The following KIN variants were observed in gnomAD, a reference collection of about 807,000 sequenced individuals.
KIN encodes the protein DNA/RNA-binding protein KIN17.
KIN carries 47 observed loss-of-function variants against 63.0 expected under a neutral mutation model. That is an observed-to-expected ratio of 0.75 (90% confidence interval 0.59 to 0.95). The LOEUF is 0.95. Ranked by LOEUF, KIN falls within the 40% of genes least tolerant of loss-of-function variation. The pLI, the probability that KIN is intolerant of heterozygous loss-of-function variation, is 0.00. For synonymous variants in KIN, 160 were observed against 157.7 expected (o/e 1.01, Z -0.11); for missense variants, 408 against 460.9 (o/e 0.89, Z 1.05).
At chr10:7,763,227 G>A (rs572626425) in intron 10 of KIN, among the ~76,000 whole-genome samples, 2 of 152,276 alleles carry the variant, frequency 1.3e-5, no homozygotes, top group African/African-American at 4.8e-5. Flanking sequence ...CTGCACTCCA[G>A]CCTGGGCAAC....
chr10:7,777,053 C>CAAAAAAAAA (rs60757813), intron 5 of KIN, among the ~76,000 whole-genome samples: 2 of 80,732 alleles, frequency 2.5e-5, no homozygotes, highest in Admixed American at 1.5e-4. Flanking sequence ...GACAGTCTCT[C>CAAAAAAAAA]AAAAAAAAAA....
At chr10:7,778,806 C>T (rs759431729) in intron 5 of KIN, 32 bp downstream of exon 5, 24 of 1,601,878 alleles carry the variant, frequency 1.5e-5, no homozygotes, top group East Asian at 1.1e-4. Context: ...GACCTCTGGA[C>T]GTTGCTTCTC....
At position 7,786,702 on chromosome 10, in the gene KIN, C is replaced by G. The variant is rs559448881; in HGVS notation, c.114+1118G>C. 2.0e-5 allele frequency among the ~76,000 whole-genome samples: 3 copies of G among 152,246 alleles called. No individual in the cohort carries two copies. The East Asian group carries it at 5.8e-4, about 29-fold the overall frequency. On this transcript the variant is annotated intron_variant, in intron 1 of 12. Transcript: ENST00000379562. ...CCAAGAAGAGGACCCTCACTAGAAT[C>G]TGACCATGCCAGCACCTTGATCTTG...
intron 9 of KIN, among the ~76,000 whole-genome samples, chr10:7,765,310 T>G (rs1835521488): frequency 1.3e-5 from 2 of 151,812 alleles, no homozygotes; most frequent in Non-Finnish European, 2.9e-5. Context: ...AATACAAAAA[T>G]TGGCAGGGCA....
rs146664116 is a variant in KIN at position 7,778,607 on chromosome 10, C to T, written c.558+231G>A. ...TACAAAAATTATCTGGGCGTGGTGG[C>T]GGGCGCCTGTAGTTCCAGGTACTCA... On this transcript the variant is annotated intron_variant, in intron 5 of 12. Coordinates refer to ENST00000379562, the MANE Select transcript of KIN (RefSeq NM_012311.4). Among the ~76,000 whole-genome samples, 142 of 152,126 alleles carry T rather than the reference C, an allele frequency of 9.3e-4. 1 individual carries two copies. Among genetic ancestry groups the T allele is most frequent in the Non-Finnish European group, 2.4e-4 (16 of 67,986 alleles).
At position 7,787,852 on chromosome 10, in the gene KIN, A is replaced by C; in HGVS notation, c.82T>G (p.Cys28Gly). The stretch of plus-strand genomic sequence containing the variant: ...CGGCACTGCTTCTGGCACATCTGGC[A>C]ATACCAGCGTAGCTTCTGCAGCCCC... ...SKGLQKLRWY[C>G]QMCQKQCRDE... Residue 28 changes from cysteine to glycine, a missense_variant, in exon 1 of 13, where the codon TGC becomes GGC. This residue lies in a region of KIN where 110 missense variants were observed against 164.9 expected (regional missense o/e 0.67). Transcript: ENST00000379562. The C allele has an allele frequency of 6.2e-7, 1 of 1,614,166 alleles. No homozygotes were observed. Among genetic ancestry groups the C allele is most frequent in the Non-Finnish European group, 8.5e-7 (1 of 1,179,990 alleles).
intron 9 of KIN, among the ~76,000 whole-genome samples, chr10:7,765,826 C>T (rs954719866): frequency 6.6e-6 from 1 of 152,146 alleles, no homozygotes; most frequent in African/African-American, 2.4e-5. Context: ...AAGTTTAGCA[C>T]TAAACTTAAA....
At chr10:7,770,649 C>T (rs1020357021) in intron 7 of KIN, among the ~76,000 whole-genome samples, 3 of 152,072 alleles carry the variant, frequency 2.0e-5, no homozygotes, top group Admixed American at 6.5e-5. Context: ...ATAGATGCTC[C>T]ATTAATACTG....
rs571898429 is a variant in KIN at position 7,752,513 on chromosome 10, G to A, written c.*3567C>T. On this transcript the variant is annotated 3_prime_UTR_variant, in exon 13 of 13. Transcript: ENST00000379562. ...GTACAGTCACTCTGGAAGACAGGTT[G>A]GTAGTTTCTCAGAAGACTCCTGGCA... 1 of 152,308 alleles carries A rather than the reference G, an allele frequency of 6.6e-6. No homozygotes were observed. Among genetic ancestry groups the A allele is most frequent in the Admixed American group, 6.5e-5 (1 of 15,302 alleles). The allele number at this position is 152,308 out of a possible 1,614,324, so 9.4% of individuals were successfully genotyped here.
intron 6 of KIN, 115 bp downstream of exon 6, chr10:7,775,636 T>C: frequency 3.7e-6 from 2 of 542,038 alleles, no homozygotes; most frequent in Non-Finnish European, 6.4e-6. Context: ...AAGAACAATG[T>C]AACTCAGACA....
rs1038853997 is a variant in KIN, at chr10:7,786,660, A to T, written c.114+1160T>A. ...CTTGCTCTATCTGCTTTGTGAGGAT[A>T]GAGGCAGTTTCGCAAACCAAGAAGA... On this transcript the variant is annotated intron_variant, in intron 1 of 12. Coordinates refer to ENST00000379562, the MANE Select transcript of KIN (RefSeq NM_012311.4). Among the ~76,000 whole-genome samples, 3 of 152,084 alleles carry T rather than the reference A, an allele frequency of 2.0e-5. No homozygotes were observed. The East Asian group carries it at 5.8e-4, about 29-fold the overall frequency.
intron 12 of KIN, 42 bp downstream of exon 12, chr10:7,759,848 T>G: frequency 5.0e-6 from 5 of 1,007,932 alleles, no homozygotes; most frequent in Non-Finnish European, 6.1e-6. Flanking sequence ...GGCACATTTT[T>G]AAAGCATTTT....
Position 7,783,137 on chromosome 10 carries a change from CTG to C in KIN, c.151_152del (p.Gln51GlufsTer24). The C allele has an allele frequency of 6.2e-7, 1 of 1,601,502 alleles. No homozygotes were observed. Among genetic ancestry groups the C allele is most frequent in the Non-Finnish European group, 8.5e-7 (1 of 1,174,126 alleles). ...TTTCTGAAGCCAGCAATAGTTGTCT[CTG>C]ATGAGATTCGGACATACAATGACAC... ...FKCHCMSESHQRQLLLASENP... is the reference protein window; with the variant it reads ...FKCHCMSESHXRQLLLASENP... On this transcript the variant is annotated frameshift_variant, in exon 2 of 13. Transcript: ENST00000379562. LOFTEE classifies it high-confidence loss of function.
chr10:7,768,626 G>A (rs1835601732), intron 8 of KIN, among the ~76,000 whole-genome samples: 1 of 152,166 alleles, frequency 6.6e-6, no homozygotes, highest in Non-Finnish European at 1.5e-5. Flanking sequence ...AGCAGTTGAA[G>A]GAGGGAGGCC....
chr10:7,753,639 T>C lies in KIN; in HGVS notation c.*2441A>G, dbSNP rs1156810558. 1 of 155,590 alleles carries C rather than the reference T, an allele frequency of 6.4e-6. No individual in the cohort carries two copies. Among genetic ancestry groups the C allele is most frequent in the Non-Finnish European group, 1.4e-5 (1 of 70,358 alleles). The allele number at this position is 155,590 out of a possible 1,614,324, so 9.6% of individuals were successfully genotyped here. On this transcript the variant is annotated 3_prime_UTR_variant, in exon 13 of 13. Coordinates refer to ENST00000379562, the MANE Select transcript of KIN (RefSeq NM_012311.4). ...TTTGACAATTTATACATTAAAAACA[T>C]TGCAATTCAAGAACATTAACATTCT...
At position 7,752,043 on chromosome 10, in the gene KIN, A is replaced by G. The variant is rs1319435714; in HGVS notation, c.*4037T>C. Reference sequence around the variant, plus strand: ...GGCGACAGAGCGAGACTCCGTCTCAAAAAAAAAAAAAAAAAAAAAAAAAAA... The same window carrying G: ...GGCGACAGAGCGAGACTCCGTCTCAGAAAAAAAAAAAAAAAAAAAAAAAAA... On this transcript the variant is annotated 3_prime_UTR_variant, in exon 13 of 13. Coordinates refer to ENST00000379562, the MANE Select transcript of KIN (RefSeq NM_012311.4). 1.1e-3 allele frequency: 1 copy of G among 942 alleles called. No homozygotes were observed. Among genetic ancestry groups the G allele is most frequent in the Non-Finnish European group, 1.8e-3 (1 of 568 alleles). The allele number at this position is 942 out of a possible 1,614,324, so 0.1% of individuals were successfully genotyped here.
chr10:7,767,498 C>T (rs1835571863), intron 8 of KIN, among the ~76,000 whole-genome samples: 1 of 152,178 alleles, frequency 6.6e-6, no homozygotes, highest in South Asian at 2.1e-4. Context: ...TAGTAAGTTT[C>T]ATCTAAACAT....
In KIN at chr10:7,751,915, G is replaced by A. The variant is rs1463288569; in HGVS notation, c.*4165C>T. 75 of 1,962 alleles carry A rather than the reference G, an allele frequency of 0.038. 4 individuals are homozygous for A. The highest frequency in any genetic ancestry group is 0.14 in the African/African-American group (67 of 486). 0.1% of individuals were successfully genotyped at this position (1,962 alleles called of 1,614,324 possible). A position where few individuals can be genotyped will look rare whatever the true frequency, so the allele number is the denominator to read the frequency against. On this transcript the variant is annotated 3_prime_UTR_variant, in exon 13 of 13. Coordinates refer to ENST00000379562, the MANE Select transcript of KIN (RefSeq NM_012311.4). The stretch of plus-strand genomic sequence containing the variant: ...CCGGGCGCGGTGGCGGGCGCCTGTA[G>A]TCCCAGCTACTCGGGAGGCTGAGGC...
intron 1 of KIN, among the ~76,000 whole-genome samples, chr10:7,786,567 G>C (rs1836011852): frequency 6.6e-6 from 1 of 151,848 alleles, no homozygotes; most frequent in Non-Finnish European, 1.5e-5. Flanking sequence ...CAAGGGTAGA[G>C]CCTGCATGAT....
Sources: allele counts gnomAD v4.1 joint callset (sites outside exome capture counted in the v4.1 genomes callset), GRCh38; gene constraint gnomAD v4.1.1; regional missense constraint gnomAD v4.1.1; transcripts MANE v1.5; gene names NCBI Gene and HGNC (gene_info 2026-07-23, HGNC 2026-07-21).